The following ZFYVE9 variants were observed in gnomAD, a reference collection of about 807,000 sequenced individuals.
The protein encoded by ZFYVE9 is zinc finger FYVE domain-containing protein 9.
ZFYVE9 carries 43 observed loss-of-function variants against 126.7 expected under a neutral mutation model. The observed-to-expected ratio is 0.34, with a 90% CI of 0.27 to 0.44. ZFYVE9 has a LOEUF of 0.44. Ranked by LOEUF, ZFYVE9 falls within the 20% of genes least tolerant of loss-of-function variation. The pLI is 1.00. For synonymous variants in ZFYVE9, 521 were observed against 597.4 expected, an observed-to-expected ratio of 0.87 and a Z score of 1.87; for missense variants, 1,476 against 1,697.0, an observed-to-expected ratio of 0.87 and a Z score of 2.29.
At chr1:52,176,724 C>G (rs961237560) in intron 1 of ZFYVE9, among the ~76,000 whole-genome samples, 2 of 152,176 alleles carry the variant, frequency 1.3e-5, no homozygotes, top group Non-Finnish European at 2.9e-5. Context: ...GCCTCGCTGC[C>G]GCCTTGCAGT....
At chr1:52,246,725 T>C (rs894189546) in intron 4 of ZFYVE9, among the ~76,000 whole-genome samples, 1 of 143,246 alleles carries the variant, frequency 7.0e-6, no homozygotes, top group African/African-American at 2.6e-5. Flanking sequence ...TTTTTTGAGA[T>C]GGAGTTTCAC....
chr1:52,293,592 T>G lies in ZFYVE9; in HGVS notation c.3165T>G (p.Phe1055Leu), dbSNP rs758456249. The G allele has an allele frequency of 1.9e-6, 3 of 1,614,114 alleles. No individual in the cohort carries two copies. Among genetic ancestry groups the G allele is most frequent in the Non-Finnish European group, 1.7e-6 (2 of 1,180,012 alleles). Residue 1055 changes from phenylalanine to leucine, a missense_variant, in exon 11 of 19, where the codon TTT becomes TTG. Physicochemically the swap from Phe to Leu is conservative, Grantham distance 22. This residue lies in a region of ZFYVE9 where 669 missense variants were observed against 902.4 expected (regional missense o/e 0.74). Transcript: ENST00000287727. ...DLVLPTPPYL[F>L]GILIQKWETP... is the part of the protein sequence containing the mutation. ...TACTCCCAACCCCACCTTACTTGTT[T>G]GGGATTCTTATCCAGAAATGGGAAA...
At chr1:52,196,481 C>T (rs1467769765) in intron 1 of ZFYVE9, among the ~76,000 whole-genome samples, 1 of 151,942 alleles carries the variant, frequency 6.6e-6, no homozygotes, top group Non-Finnish European at 1.5e-5. Context: ...ACTAAAAATA[C>T]AAAAAATTAG....
At chr1:52,203,653 TA>T (rs1644946768) in intron 1 of ZFYVE9, among the ~76,000 whole-genome samples, 2 of 151,742 alleles carry the variant, frequency 1.3e-5, no homozygotes, top group Non-Finnish European at 2.9e-5. Context: ...TAGTTACAAG[TA>T]TTTTTTTCTC....
rs151005416 is a variant in ZFYVE9 at position 52,162,714 on chromosome 1, T to A, written c.-143+20311T>A. On this transcript the variant is annotated intron_variant, in intron 1 of 18. Coordinates refer to ENST00000287727, the MANE Select transcript of ZFYVE9 (RefSeq NM_004799.4). ...CCTTCTGCCAGTGTGTCTTCTCTGG[T>A]TAGACATTGGAGAATGACTTCGGCT... 176 of 305,698 alleles carry A rather than the reference T, an allele frequency of 5.8e-4. 2 individuals are homozygous for A. The East Asian group carries it at 0.012, about 21-fold the overall frequency. The allele number at this position is 305,698 out of a possible 1,614,324, so 18.9% of individuals were successfully genotyped here.
At chr1:52,249,873 G>A (rs1011325536) in intron 4 of ZFYVE9, among the ~76,000 whole-genome samples, 1 of 152,162 alleles carries the variant, frequency 6.6e-6, no homozygotes, top group Non-Finnish European at 1.5e-5. Flanking sequence ...TGGAAAGACT[G>A]TTCTGTTCCT....
intron 10 of ZFYVE9, among the ~76,000 whole-genome samples, chr1:52,283,747 A>G (rs1645827256): frequency 6.6e-6 from 1 of 152,066 alleles, no homozygotes; most frequent in Non-Finnish European, 1.5e-5. Context: ...GTCCCAGAAA[A>G]CTTTCTGAGA....
intron 2 of ZFYVE9, among the ~76,000 whole-genome samples, chr1:52,217,165 G>T (rs893814417): frequency 5.9e-5 from 9 of 152,174 alleles, no homozygotes; most frequent in African/African-American, 2.2e-4. Context: ...GAAGGAAGGG[G>T]TTTTTAACCC....
At chr1:52,164,156 T>C (rs1476778520) in intron 1 of ZFYVE9, among the ~76,000 whole-genome samples, 4 of 151,022 alleles carry the variant, frequency 2.6e-5, no homozygotes, top group African/African-American at 9.8e-5. Flanking sequence ...GTTTTCACCA[T>C]GTTGCCCAGA....
In ZFYVE9 at chr1:52,238,446, A is replaced by G; in HGVS notation, c.1029A>G (p.Pro343=). Residue 343 remains proline, a synonymous_variant, in exon 4 of 19, where the codon CCA becomes CCG. Transcript: ENST00000287727. ...CTGGTTTACCTTTGCTTCTCAAACC[A>G]GACATGCCTAATGGGTCTGGAAGGA... ...LRSGLPLLLK[P]DMPNGSGRNN... 6.2e-7 allele frequency: 1 copy of G among 1,614,134 alleles called. No homozygotes were observed. The highest frequency in any genetic ancestry group is 1.3e-5 in the African/African-American group (1 of 75,054).
At chr1:52,192,230 T>G (rs1045831987) in intron 1 of ZFYVE9, among the ~76,000 whole-genome samples, 8 of 152,200 alleles carry the variant, frequency 5.3e-5, no homozygotes, top group African/African-American at 1.9e-4. Flanking sequence ...ATAAAAACAT[T>G]TGAGTGCTTT....
chr1:52,310,222 G>C (rs560770508), intron 13 of ZFYVE9, among the ~76,000 whole-genome samples: 6 of 152,096 alleles, frequency 3.9e-5, no homozygotes, highest in Non-Finnish European at 5.9e-5. Flanking sequence ...GCTTGCCTCA[G>C]CCTCCCAAAG....
At chr1:52,340,575 T>C (rs1475478982) in intron 17 of ZFYVE9, among the ~76,000 whole-genome samples, 1 of 152,150 alleles carries the variant, frequency 6.6e-6, no homozygotes. Flanking sequence ...TTAGATAACA[T>C]GACGGTCTTT....
chr1:52,297,405 T>G (rs1023271624), intron 12 of ZFYVE9, among the ~76,000 whole-genome samples: 33 of 151,822 alleles, frequency 2.2e-4, no homozygotes, highest in Admixed American at 5.3e-4. Flanking sequence ...GCCTGGCTAA[T>G]TTTTTGTATT....
intron 10 of ZFYVE9, among the ~76,000 whole-genome samples, chr1:52,291,019 T>C (rs1035312878): frequency 1.1e-4 from 17 of 152,208 alleles, no homozygotes; most frequent in Non-Finnish European, 1.8e-4. Flanking sequence ...CTCCAAAATC[T>C]GCAATTTATT....
rs369536928 is a variant in ZFYVE9, at chr1:52,187,941, A to G, written c.-142-28428A>G. Among the ~76,000 whole-genome samples, 8 of 152,386 alleles carry G rather than the reference A, an allele frequency of 5.2e-5. No individual in the cohort carries two copies. The East Asian group carries it at 1.5e-3, about 29-fold the overall frequency. ...TGTGATTCCTCAAAGAGCTAAAAAC[A>G]GAACTATCATTTGACCAAGCAATCC... On this transcript the variant is annotated intron_variant, in intron 1 of 18. Transcript: ENST00000287727.
At chr1:52,254,366 A>ACT (rs1645482358) in intron 4 of ZFYVE9, among the ~76,000 whole-genome samples, 1 of 141,632 alleles carries the variant, frequency 7.1e-6, no homozygotes, top group East Asian at 2.0e-4. Context: ...AAGCTCACAT[A>ACT]TTTTACATTA....
chr1:52,208,050 G>A (rs1644993879), intron 1 of ZFYVE9, among the ~76,000 whole-genome samples: 1 of 152,214 alleles, frequency 6.6e-6, no homozygotes, highest in Non-Finnish European at 1.5e-5. Context: ...GCCGGGTATG[G>A]TGGCCCATGC....
intron 2 of ZFYVE9, among the ~76,000 whole-genome samples, chr1:52,232,941 A>G (rs952587927): frequency 3.3e-5 from 5 of 152,068 alleles, no homozygotes; most frequent in Admixed American, 3.3e-4. Flanking sequence ...GAAGCATGAA[A>G]TGATCACCAA....
Sources: gnomAD v4.1 joint callset for allele counts (sites outside exome capture counted in the v4.1 genomes callset) on GRCh38, gnomAD v4.1.1 for gene constraint, gnomAD v4.1.1 regional missense constraint, MANE v1.5 for transcripts, NCBI Gene and HGNC (gene_info 2026-07-23, HGNC 2026-07-21) for gene names.